Variants in TMTC4 observed in about 807,000 individuals in gnomAD.
TMTC4 encodes the protein transmembrane O-mannosyltransferase targeting cadherins 4.
TMTC4 carries 65 observed loss-of-function variants against 86.0 expected under a neutral mutation model. The ratio of observed to expected loss-of-function variants is 0.76; its 90% CI spans 0.62 to 0.93. The LOEUF (loss-of-function observed/expected upper bound fraction) is 0.93. Ranked by LOEUF, TMTC4 falls within the 40% of genes least tolerant of loss-of-function variation. The probability of loss-of-function intolerance (pLI) is 0.00; values close to 1 mark genes in which losing one functional copy is unlikely to be tolerated. For missense variants in TMTC4, 866 were observed against 948.1 expected, an observed-to-expected ratio of 0.91 and a Z score of 1.14; for synonymous variants, 379 against 382.5, an observed-to-expected ratio of 0.99 and a Z score of 0.11.
At chr13:100,631,077 G>A (rs1420571605) in intron 12 of TMTC4, among the ~76,000 whole-genome samples, 1 of 152,238 alleles carries the variant, frequency 6.6e-6, no homozygotes, top group Non-Finnish European at 1.5e-5. Context: ...GAGAATGACT[G>A]ACTTTTGTTT....
At chr13:100,631,148 G>C (rs1231526544) in intron 12 of TMTC4, among the ~76,000 whole-genome samples, 2 of 152,198 alleles carry the variant, frequency 1.3e-5, no homozygotes, top group Non-Finnish European at 1.5e-5. Context: ...TAGCATTTGT[G>C]ATGCACATGC....
At chr13:100,643,812 T>C (rs1409266802) in intron 6 of TMTC4, among the ~76,000 whole-genome samples, 3 of 152,146 alleles carry the variant, frequency 2.0e-5, no homozygotes, top group Non-Finnish European at 4.4e-5. Flanking sequence ...TAGAGGGGGA[T>C]GGAATTTCCA....
chr13:100,652,658 G>A (rs528674674), intron 6 of TMTC4, among the ~76,000 whole-genome samples: 28 of 152,262 alleles, frequency 1.8e-4, no homozygotes, highest in Admixed American at 1.8e-3. Flanking sequence ...GTAGAACAAA[G>A]GCCATGGCCT....
intron 6 of TMTC4, among the ~76,000 whole-genome samples, chr13:100,654,949 T>C (rs767581557): frequency 5.3e-5 from 8 of 151,976 alleles, no homozygotes; most frequent in African/African-American, 9.7e-5. Flanking sequence ...GTTAAAATTA[T>C]GTTAACATCA....
chr13:100,634,213 A>G (rs1305639964), intron 12 of TMTC4, among the ~76,000 whole-genome samples: 1 of 152,064 alleles, frequency 6.6e-6, no homozygotes, highest in Non-Finnish European at 1.5e-5. Flanking sequence ...GCTGACTGAA[A>G]CACTGTTACA....
At chr13:100,611,598 A>C (rs994055214) in intron 17 of TMTC4, among the ~76,000 whole-genome samples, 2 of 152,314 alleles carry the variant, frequency 1.3e-5, no homozygotes, top group Middle Eastern at 3.4e-3. Flanking sequence ...AAAAACAAAA[A>C]AAATAAAAAA....
intron 15 of TMTC4, among the ~76,000 whole-genome samples, chr13:100,616,875 CTTGTTGAT>C (rs1167975589): frequency 1.3e-5 from 2 of 151,956 alleles, no homozygotes; most frequent in Non-Finnish European, 2.9e-5. Context: ...TGTTTTTTTG[CTTGTTGAT>C]TTGTTACTTA....
Position 100,670,546 on chromosome 13 carries a change from C to A in TMTC4, c.-184G>T. The A allele has an allele frequency of 1.8e-6, 1 of 554,346 alleles. No homozygotes were observed. Among genetic ancestry groups the A allele is most frequent in the South Asian group, 2.6e-5 (1 of 38,904 alleles). The allele number at this position is 554,346 out of a possible 1,614,324, so 34.3% of individuals were successfully genotyped here. On this transcript the variant is annotated 5_prime_UTR_variant, in exon 2 of 19. Transcript: ENST00000342624. ...TTTTCTTTTCCAGTCAAAGGATAAA[C>A]CACTTCTCGAATCTAAATTACAACT...
intron 5 of TMTC4, among the ~76,000 whole-genome samples, chr13:100,658,544 G>GCC (rs1885393872): frequency 6.6e-6 from 1 of 152,044 alleles, no homozygotes; most frequent in African/African-American, 2.4e-5. Flanking sequence ...AACAGGGGGA[G>GCC]CAGGTGTCAG....
intron 17 of TMTC4, among the ~76,000 whole-genome samples, chr13:100,607,647 CTG>C (rs1374627955): frequency 6.7e-6 from 1 of 149,832 alleles, no homozygotes; most frequent in Admixed American, 6.6e-5. Flanking sequence ...ATATCTGTGA[CTG>C]TGCATTTTAT....
chr13:100,668,722 C>G lies in TMTC4; in HGVS notation c.76G>C (p.Asp26His). 1 of 1,614,264 alleles carries G rather than the reference C, an allele frequency of 6.2e-7. No homozygotes were observed. Among genetic ancestry groups the G allele is most frequent in the Non-Finnish European group, 8.5e-7 (1 of 1,180,046 alleles). The change falls in exon 3 of 19, where the codon GAT becomes CAT. Residue 26 changes from aspartate to histidine, a missense_variant. By Grantham distance (81) the Asp-to-His change is moderately conservative. Coordinates refer to ENST00000342624, the MANE Select transcript of TMTC4 (RefSeq NM_032813.5). ...GAAGATGGAAGAATGTGATCCAAAT[C>G]AGTGTCCAACACGGCCATTCTGAAA... ...AVFRMAVLDT[D>H]LDHILPSSVL...
intron 6 of TMTC4, among the ~76,000 whole-genome samples, chr13:100,648,830 C>A (rs924438117): frequency 1.3e-5 from 2 of 152,184 alleles, no homozygotes; most frequent in South Asian, 2.1e-4. Flanking sequence ...CAGGCACATG[C>A]CACCAGGCCT....
chr13:100,614,286 C>G, intron 16 of TMTC4, 30 bp downstream of exon 16: 2 of 1,540,762 alleles, frequency 1.3e-6, no homozygotes, highest in African/African-American at 2.7e-5. Flanking sequence ...GAGCCATTTC[C>G]TGTGATTTGT....
At chr13:100,673,398 G>A (rs1401365706) in intron 1 of TMTC4, 14 of 979,464 alleles carry the variant, frequency 1.4e-5, no homozygotes, top group Non-Finnish European at 1.7e-5. Flanking sequence ...GCTGACCTCT[G>A]CCCAGCCTTT....
intron 17 of TMTC4, 151 bp downstream of exon 17, chr13:100,612,247 T>A (rs1435104417): frequency 1.6e-6 from 1 of 617,560 alleles, no homozygotes; most frequent in Non-Finnish European, 2.8e-6. Flanking sequence ...TTGAAGCAAC[T>A]TTTCCAGGAA....
Position 100,634,934 on chromosome 13 carries a change from T to C in TMTC4, c.1377A>G (p.Lys459=). 6 of 1,613,812 alleles carry C rather than the reference T, an allele frequency of 3.7e-6. No individual in the cohort carries two copies. Among genetic ancestry groups the C allele is most frequent in the Non-Finnish European group, 5.1e-6 (6 of 1,179,878 alleles). Residue 459 remains lysine, a splice_region_variant and synonymous_variant, in exon 12 of 19, where the codon AAA becomes AAG. Coordinates refer to ENST00000342624, the MANE Select transcript of TMTC4 (RefSeq NM_032813.5). The stretch of plus-strand genomic sequence containing the variant: ...TTCCCAGCACGACAGCGGCAATGAG[T>C]TTCTTAAGAACAGAAAGACATGGTA... ...GALSKHTKKK[K]LIAAVVLGIL...
chr13:100,668,377 G>C, intron 3 of TMTC4: 1 of 584,932 alleles, frequency 1.7e-6, no homozygotes, highest in Non-Finnish European at 3.0e-6. Context: ...CTGAGGCAGG[G>C]GTTCAGAACC....
chr13:100,636,534 T>C lies in TMTC4; in HGVS notation c.1200A>G (p.Arg400=). ...QALCSEDGHK[R]RILTLGLGFL... ...TAAGATTCAGTGCTGCCTCTTACCT[T>C]CTCTTGTGGCCGTCTTCAGAGCACA... is the stretch of plus-strand genomic sequence containing the variant. The change falls in exon 10 of 19, where the codon AGA becomes AGG. Residue 400 remains arginine (R), a splice_region_variant and synonymous_variant. Transcript: ENST00000342624. The C allele has an allele frequency of 6.2e-7, 1 of 1,614,170 alleles. No individual in the cohort carries two copies. The highest frequency in any genetic ancestry group is 8.5e-7 in the Non-Finnish European group (1 of 1,180,036).
At chr13:100,664,384 C>G in intron 3 of TMTC4, 48 bp from the exon 4 acceptor site, 1 of 1,432,268 alleles carries the variant, frequency 7.0e-7, no homozygotes, top group Non-Finnish European at 9.4e-7. Context: ...TCCCATCAGC[C>G]CTAAGCCAAG....
Sources: gnomAD v4.1 joint callset for allele counts (sites outside exome capture counted in the v4.1 genomes callset) on GRCh38, gnomAD v4.1.1 for gene constraint, MANE v1.5 for transcripts, NCBI Gene and HGNC (gene_info 2026-07-23, HGNC 2026-07-21) for gene names.